The following ERP27 variants were observed in gnomAD, a reference collection of about 807,000 sequenced individuals.
The protein encoded by ERP27 is endoplasmic reticulum resident protein 27.
ERP27 carries 23 observed loss-of-function variants against 27.7 expected under a neutral mutation model. The observed-to-expected ratio is 0.83, with a 90% CI of 0.60 to 1.18. The LOEUF (loss-of-function observed/expected upper bound fraction) is 1.18, where lower values mean the gene tolerates loss of function less well. ERP27 is among the 50% of genes most tolerant of loss of function. The pLI, the probability that ERP27 is intolerant of heterozygous loss-of-function variation, is 0.00. For synonymous variants in ERP27, 159 were observed against 118.3 expected (o/e 1.34, Z -2.23); for missense variants, 363 against 327.9 (o/e 1.11, Z -0.83).
At chr12:14,931,784 G>A (rs1863701357) in intron 3 of ERP27, among the ~76,000 whole-genome samples, 1 of 152,038 alleles carries the variant, frequency 6.6e-6, no homozygotes, top group Non-Finnish European at 1.5e-5. Context: ...TATCTTGGTG[G>A]TACTAAGCCT....
chr12:14,925,611 A>G (rs1417926893), intron 3 of ERP27, among the ~76,000 whole-genome samples: 1 of 152,082 alleles, frequency 6.6e-6, no homozygotes, highest in Non-Finnish European at 1.5e-5. Context: ...ATTGATTTCT[A>G]GCTTTATTTT....
intron 3 of ERP27, among the ~76,000 whole-genome samples, chr12:14,933,808 C>T (rs2120620666): frequency 1.3e-5 from 2 of 152,248 alleles, no homozygotes; most frequent in South Asian, 4.1e-4. Flanking sequence ...ATCTAATGAT[C>T]ACAGGATCTT....
At chr12:14,929,212 A>G in intron 3 of ERP27, 1 of 1,178,666 alleles carries the variant, frequency 8.5e-7, no homozygotes, top group Non-Finnish European at 1.1e-6. Context: ...AAAGCCAGTT[A>G]CTCTGGGTGT....
intron 3 of ERP27, among the ~76,000 whole-genome samples, chr12:14,926,436 A>T (rs190952299): frequency 8.5e-5 from 13 of 152,374 alleles, no homozygotes; most frequent in African/African-American, 3.1e-4. Context: ...TATTTCCACG[A>T]AATGAAATTA....
Position 14,915,573 on chromosome 12 carries a change from G to A in ERP27, c.690C>T (p.Asp230=), listed in dbSNP as rs144292087. ...CTGCTGTGGGCAGTGTATCCCACTC[G>A]TCATCTAGAGTCTGGTAAATTGCCA... ...PALAIYQTLD[D]EWDTLPTAEV... Residue 230 remains aspartate, a synonymous_variant, in exon 6 of 7, where the codon GAC becomes GAT. Transcript: ENST00000266397. 101 of 1,614,062 alleles carry A rather than the reference G, an allele frequency of 6.3e-5. 1 individual carries two copies. In the Admixed American group the frequency reaches 9.7e-4, roughly 15 times the overall value.
In ERP27 at chr12:14,917,292, C is replaced by T. The variant is rs755389648; in HGVS notation, c.462G>A (p.Gly154=). 4 of 1,614,122 alleles carry T rather than the reference C, an allele frequency of 2.5e-6. No individual in the cohort carries two copies. The highest frequency in any genetic ancestry group is 3.3e-5 in the Admixed American group (2 of 60,010). Residue 154 remains glycine (G), a synonymous_variant, in exon 5 of 7, where the codon GGG becomes GGA. Coordinates refer to ENST00000266397, the MANE Select transcript of ERP27 (RefSeq NM_152321.4). ...VTEYNPVTVI[G]LFNSVIQIHL... ...GAATCTGAATTACGCTGTTGAATAA[C>T]CCAATCACAGTCTGGCAAGTCGAAA...
At chr12:14,931,141 A>T (rs1401247055) in intron 3 of ERP27, among the ~76,000 whole-genome samples, 8 of 151,546 alleles carry the variant, frequency 5.3e-5, no homozygotes, top group Non-Finnish European at 1.0e-4. Flanking sequence ...GGGCAACTAA[A>T]CCATTCTCTC....
chr12:14,935,020 A>G (rs1863754528), intron 2 of ERP27, 27 bp from the exon 3 acceptor site: 2 of 1,608,926 alleles, frequency 1.2e-6, no homozygotes. Context: ...AAATAATACC[A>G]CAGTGGTTAT....
At chr12:14,919,634 T>C (rs1863469033) in intron 4 of ERP27, among the ~76,000 whole-genome samples, 1 of 151,974 alleles carries the variant, frequency 6.6e-6, no homozygotes. Flanking sequence ...TTGAAGGCAG[T>C]GTAGGGCAAT....
chr12:14,915,404 C>T (rs1863392364), intron 6 of ERP27, 85 bp downstream of exon 6: 6 of 1,465,132 alleles, frequency 4.1e-6, no homozygotes, highest in Non-Finnish European at 5.6e-6. Flanking sequence ...TCCTCCCTCT[C>T]TGAGCCCAAA....
intron 6 of ERP27, among the ~76,000 whole-genome samples, chr12:14,915,025 G>C (rs770626295): frequency 6.6e-6 from 1 of 151,992 alleles, no homozygotes; most frequent in Admixed American, 6.6e-5. Context: ...TCCTGACTCC[G>C]GCCACCATAT....
At chr12:14,932,999 A>AT (rs1216024684) in intron 3 of ERP27, among the ~76,000 whole-genome samples, 1 of 152,272 alleles carries the variant, frequency 6.6e-6, no homozygotes, top group Non-Finnish European at 1.5e-5. Flanking sequence ...CAGACTAGGG[A>AT]TAAAATATTC....
At chr12:14,931,749 C>T (rs550879319) in intron 3 of ERP27, among the ~76,000 whole-genome samples, 1 of 152,078 alleles carries the variant, frequency 6.6e-6, no homozygotes, top group South Asian at 2.1e-4. Context: ...GAAGCAACGG[C>T]ACTTGTTTTT....
chr12:14,917,956 A>T (rs998952005), intron 4 of ERP27, among the ~76,000 whole-genome samples: 14 of 152,228 alleles, frequency 9.2e-5, no homozygotes, highest in African/African-American at 3.1e-4. Context: ...CTAATACACT[A>T]TGTAACATAT....
chr12:14,923,241 A>C (rs1405373195), intron 3 of ERP27, among the ~76,000 whole-genome samples: 1 of 152,126 alleles, frequency 6.6e-6, no homozygotes, highest in Non-Finnish European at 1.5e-5. Context: ...ACTGGAATCT[A>C]CACCATTGGT....
At chr12:14,924,478 T>A (rs1207613501) in intron 3 of ERP27, among the ~76,000 whole-genome samples, 1 of 152,268 alleles carries the variant, frequency 6.6e-6, no homozygotes, top group African/African-American at 2.4e-5. Flanking sequence ...ATGGCTATAC[T>A]AATTTACATA....
chr12:14,917,423 G>C lies in ERP27; in HGVS notation c.451-120C>G, dbSNP rs1019018796. 5 of 1,348,204 alleles carry C rather than the reference G, an allele frequency of 3.7e-6. No homozygotes were observed. In the African/African-American group the frequency reaches 7.2e-5, roughly 19 times the overall value. The allele number at this position is 1,348,204 out of a possible 1,614,324, so 83.5% of individuals were successfully genotyped here. On this transcript the variant is annotated intron_variant, in intron 4 of 6. Coordinates refer to ENST00000266397, the MANE Select transcript of ERP27 (RefSeq NM_152321.4). ...GAGCTGGCCACTGGTAACACAAATG[G>C]AACTAGCTTCCAAGATGGCTCTCAG... is the stretch of plus-strand genomic sequence containing the variant.
chr12:14,917,547 A>G (rs996915593), intron 4 of ERP27, among the ~76,000 whole-genome samples: 4 of 152,176 alleles, frequency 2.6e-5, no homozygotes, highest in Non-Finnish European at 5.9e-5. Context: ...TGCAGAAATG[A>G]TGGAGTGTGA....
At chr12:14,916,171 A>C (rs1282881450) in intron 5 of ERP27, among the ~76,000 whole-genome samples, 1 of 152,222 alleles carries the variant, frequency 6.6e-6, no homozygotes. Context: ...TGAACTTAAA[A>C]GTTAAAAAAA....
Sources: gnomAD v4.1 joint callset for allele counts (sites outside exome capture counted in the v4.1 genomes callset) on GRCh38, gnomAD v4.1.1 for gene constraint, MANE v1.5 for transcripts, NCBI Gene and HGNC (gene_info 2026-07-23, HGNC 2026-07-21) for gene names.